QPCT: variants seen among roughly 807,000 people sequenced by gnomAD.
QPCT encodes EC.
Under a neutral mutation model 43.4 loss-of-function variants are expected in QPCT, and 44 were observed. The ratio of observed to expected loss-of-function variants is 1.01; its 90% CI spans 0.80 to 1.30. The LOEUF (loss-of-function observed/expected upper bound fraction) is 1.30. Among genes scored for constraint, QPCT ranks in the 50% most tolerant of loss-of-function variants. QPCT has a pLI of 0.00. For missense variants in QPCT, 526 were observed against 436.5 expected (o/e 1.21, Z -1.83); for synonymous variants, 168 against 168.4 (o/e 1.00, Z 0.02).
chr2:37,351,833 G>A (rs1672630703), intron 1 of QPCT, among the ~76,000 whole-genome samples: 2 of 151,972 alleles, frequency 1.3e-5, no homozygotes, highest in African/African-American at 4.8e-5. Flanking sequence ...AGTGAGCCAA[G>A]ATCATGCCAT....
chr2:37,361,192 A>T (rs563666911), intron 3 of QPCT, among the ~76,000 whole-genome samples: 20 of 152,300 alleles, frequency 1.3e-4, no homozygotes, highest in African/African-American at 4.6e-4. Flanking sequence ...CTTTGAGAGT[A>T]TCAGATTTAT....
At chr2:37,360,471 G>T (rs1672839796) in intron 3 of QPCT, among the ~76,000 whole-genome samples, 1 of 151,912 alleles carries the variant, frequency 6.6e-6, no homozygotes, top group Non-Finnish European at 1.5e-5. Flanking sequence ...GTTCTTAAGG[G>T]TATATTGGAA....
At chr2:37,371,329 T>C (rs1673068496) in intron 5 of QPCT, among the ~76,000 whole-genome samples, 1 of 150,224 alleles carries the variant, frequency 6.7e-6, no homozygotes, top group South Asian at 2.1e-4. Flanking sequence ...CCCCTCCTAT[T>C]GGTATTTACA....
intron 3 of QPCT, among the ~76,000 whole-genome samples, chr2:37,365,132 A>C (rs1672936313): frequency 6.6e-6 from 1 of 151,804 alleles, no homozygotes; most frequent in South Asian, 2.1e-4. Context: ...TATATGATTT[A>C]AAGCCTCAAG....
chr2:37,354,518 C>T (rs1198504738), intron 2 of QPCT, among the ~76,000 whole-genome samples: 1 of 152,172 alleles, frequency 6.6e-6, no homozygotes, highest in Non-Finnish European at 1.5e-5. Flanking sequence ...AATTAACTTG[C>T]TCAAGGTTAT....
intron 1 of QPCT, 124 bp downstream of exon 1, chr2:37,344,975 C>A (rs1291239779): frequency 7.3e-7 from 1 of 1,369,590 alleles, no homozygotes; most frequent in Non-Finnish European, 9.5e-7. Flanking sequence ...CCAGCCCAGG[C>A]ACCGGCGCCC....
chr2:37,362,834 A>G (rs1672878436), intron 3 of QPCT, among the ~76,000 whole-genome samples: 1 of 152,194 alleles, frequency 6.6e-6, no homozygotes, highest in Non-Finnish European at 1.5e-5. Flanking sequence ...GCTGGTGTGG[A>G]GAGTGTTTCT....
chr2:37,351,985 C>A (rs1246892606), intron 1 of QPCT, among the ~76,000 whole-genome samples: 2 of 150,260 alleles, frequency 1.3e-5, no homozygotes, highest in African/African-American at 4.9e-5. Context: ...AGCCAGATTG[C>A]ACCACTGCAC....
chr2:37,370,905 G>T (rs1673059513), intron 5 of QPCT, among the ~76,000 whole-genome samples: 1 of 152,120 alleles, frequency 6.6e-6, no homozygotes, highest in Non-Finnish European at 1.5e-5. Context: ...CCAGGCCAGG[G>T]GGCTGCTTTG....
At chr2:37,353,289 T>C (rs1450134297) in intron 2 of QPCT, among the ~76,000 whole-genome samples, 1 of 152,180 alleles carries the variant, frequency 6.6e-6, no homozygotes, top group African/African-American at 2.4e-5. Flanking sequence ...AGGTTCTAAG[T>C]CAAGAGTATC....
intron 3 of QPCT, 67 bp downstream of exon 3, chr2:37,359,925 G>C (rs1672828879): frequency 1.3e-6 from 2 of 1,502,560 alleles, no homozygotes; most frequent in South Asian, 1.2e-5. Flanking sequence ...GTGAATTCTA[G>C]AATCCTTGGA....
chr2:37,356,701 G>T (rs1672754566), intron 2 of QPCT, among the ~76,000 whole-genome samples: 1 of 152,150 alleles, frequency 6.6e-6, no homozygotes, highest in Non-Finnish European at 1.5e-5. Flanking sequence ...ACAAAAAATA[G>T]TTACACTGAA....
chr2:37,347,204 TAACATATATATAACATATATATATAAC>T (rs1672518730), intron 1 of QPCT, among the ~76,000 whole-genome samples: 4 of 45,446 alleles, frequency 8.8e-5, no homozygotes, highest in Non-Finnish European at 1.2e-4. Context: ...CATATATATA[TAACATATATATAACATATATATATAAC>T]ATATATATAT....
chr2:37,371,431 C>CAAAAAAAAAAAAAAAAAAAAAAAAAA (rs3050580), intron 5 of QPCT, among the ~76,000 whole-genome samples: 1 of 69,384 alleles, frequency 1.4e-5, no homozygotes, highest in African/African-American at 4.7e-5. Context: ...GACTCCATCT[C>CAAAAAAAAAAAAAAAAAAAAAAAAAA]AAAAAAAAAA....
intron 2 of QPCT, among the ~76,000 whole-genome samples, chr2:37,354,961 TTCAACAGA>T (rs2124934458): frequency 6.6e-6 from 1 of 152,346 alleles, no homozygotes; most frequent in African/African-American, 2.4e-5. Context: ...GATCTTTAGC[TTCAACAGA>T]ATACAGTATA....
chr2:37,351,199 C>T (rs533636032), intron 1 of QPCT, among the ~76,000 whole-genome samples: 52 of 152,330 alleles, frequency 3.4e-4, no homozygotes, highest in Non-Finnish European at 5.3e-4. Flanking sequence ...AACACTGGTC[C>T]TGAAAGGAAC....
chr2:37,348,705 C>A (rs1412320184), intron 1 of QPCT, among the ~76,000 whole-genome samples: 1 of 152,208 alleles, frequency 6.6e-6, no homozygotes, highest in African/African-American at 2.4e-5. Context: ...CTGGTTCACA[C>A]TTTTGGCTGA....
intron 2 of QPCT, among the ~76,000 whole-genome samples, chr2:37,355,430 T>G (rs888967806): frequency 6.6e-6 from 1 of 151,726 alleles, no homozygotes; most frequent in East Asian, 1.9e-4. Flanking sequence ...GAACACTAGA[T>G]GAGATGTTTT....
intron 3 of QPCT, among the ~76,000 whole-genome samples, chr2:37,366,576 T>C (rs1672965631): frequency 6.6e-6 from 1 of 152,214 alleles, no homozygotes; most frequent in Non-Finnish European, 1.5e-5. Context: ...GCAAGAAAGA[T>C]TTACAGTTGT....
Sources: allele counts gnomAD v4.1 joint callset (sites outside exome capture counted in the v4.1 genomes callset), GRCh38; gene constraint gnomAD v4.1.1; transcripts MANE v1.5; gene names NCBI Gene and HGNC (gene_info 2026-07-23, HGNC 2026-07-21).